PTPRF: variants seen among roughly 807,000 people sequenced by gnomAD.
The protein encoded by PTPRF is receptor-type tyrosine-protein phosphatase F.
PTPRF carries 59 observed loss-of-function variants against 201.8 expected under a neutral mutation model. The observed-to-expected ratio is 0.29, with a 90% CI of 0.24 to 0.36. PTPRF has a LOEUF of 0.36. Ranked by LOEUF, PTPRF falls within the 10% of genes least tolerant of loss-of-function variation. The pLI is 1.00. For missense variants in PTPRF, 2,132 were observed against 2,690.5 expected (o/e 0.79, Z 4.59); for synonymous variants, 1,088 against 1,089.7 (o/e 1.00, Z 0.03).
Position 43,603,713 on chromosome 1 carries a change from G to T in PTPRF, c.2561G>T (p.Arg854Leu). The T allele has an allele frequency of 6.2e-7, 1 of 1,613,732 alleles. No individual in the cohort carries two copies. Among genetic ancestry groups the T allele is most frequent in the South Asian group, 1.1e-5 (1 of 91,076 alleles). ...KELPGELLGYRLQYCRADEAR... is the reference protein window; with the variant it reads ...KELPGELLGYLLQYCRADEAR... The stretch of plus-strand genomic sequence containing the variant: ...CTGCCTGGCGAGCTGCTGGGCTACC[G>T]GCTGCAGTACTGCCGGGCCGACGAG... Residue 854 changes from arginine to leucine, a missense_variant, in exon 16 of 34, where the codon CGG becomes CTG. Arg to Leu is a moderately radical substitution (Grantham distance 102, BLOSUM62 -2). Around this residue, in one of 6 missense-constraint regions of PTPRF, gnomAD observed 818 missense variants for 915.3 expected, o/e 0.89. Transcript: ENST00000359947. The surrounding 1 kb of genome is among the most constrained non-coding windows in gnomAD (Gnocchi z 5.8).
chr1:43,609,540 A>G (rs778488410), intron 22 of PTPRF, 42 bp downstream of exon 22: 27 of 1,517,068 alleles, frequency 1.8e-5, no homozygotes, highest in Non-Finnish European at 2.2e-5. Flanking sequence ...GCCCAGACCT[A>G]GCAGGCCTGT....
intron 2 of PTPRF, among the ~76,000 whole-genome samples, chr1:43,541,930 G>A (rs551250202): frequency 2.0e-5 from 3 of 152,274 alleles, no homozygotes; most frequent in East Asian, 3.9e-4. Context: ...TTTTTATCTC[G>A]GTTGTTGAAA....
At position 43,620,582 on chromosome 1, in the gene PTPRF, G is replaced by A. The variant is rs758407621; in HGVS notation, c.5364+3G>A. 1.3e-5 allele frequency: 21 copies of A among 1,613,220 alleles called. No homozygotes were observed. Among genetic ancestry groups the A allele is most frequent in the Non-Finnish European group, 1.7e-5 (20 of 1,179,496 alleles). On this transcript the variant is annotated splice_donor_region_variant and intron_variant, in intron 31 of 33. Coordinates refer to ENST00000359947, the MANE Select transcript of PTPRF (RefSeq NM_002840.5). ...AGTTCAAGGTCACGGATGCCCGGGT[G>A]AGTGAGTGCATTGAGTGTGTCCATA... is the stretch of plus-strand genomic sequence containing the variant.
At chr1:43,529,514 A>C (rs1280836697), upstream of PTPRF, among the ~76,000 whole-genome samples, 1 of 152,044 alleles carries the variant, frequency 6.6e-6, no homozygotes, top group Non-Finnish European at 1.5e-5. Flanking sequence ...TATCAGAAAG[A>C]CCCCACAGAA....
intron 22 of PTPRF, among the ~76,000 whole-genome samples, chr1:43,609,743 G>T (rs1655996527): frequency 6.6e-6 from 1 of 152,248 alleles, no homozygotes; most frequent in Non-Finnish European, 1.5e-5. Context: ...AAGCCACTTA[G>T]CCACTGCCTT....
At chr1:43,547,110 C>A (rs144240122) in intron 3 of PTPRF, among the ~76,000 whole-genome samples, 2 of 152,184 alleles carry the variant, frequency 1.3e-5, no homozygotes, top group African/African-American at 2.4e-5. Context: ...CCCCAGGCCC[C>A]CAGGGTCGTA....
chr1:43,557,446 C>T (rs1404347903), intron 5 of PTPRF, among the ~76,000 whole-genome samples: 2 of 152,150 alleles, frequency 1.3e-5, no homozygotes, highest in Non-Finnish European at 2.9e-5. Context: ...CCAGCCTGGC[C>T]AACATGGCAA....
At chr1:43,611,723 G>A (rs189152843) in intron 22 of PTPRF, among the ~76,000 whole-genome samples, 1 of 152,366 alleles carries the variant, frequency 6.6e-6, no homozygotes, top group East Asian at 1.9e-4. Flanking sequence ...AAAGGTGGCA[G>A]TGGGAACAGA....
intron 23 of PTPRF, among the ~76,000 whole-genome samples, chr1:43,616,764 G>A (rs763988262): frequency 6.6e-5 from 10 of 152,112 alleles, no homozygotes; most frequent in Non-Finnish European, 1.0e-4. Flanking sequence ...AGAGGCTGCT[G>A]GGTACTCGGG....
At chr1:43,582,813 C>T (rs1165265056) in intron 7 of PTPRF, among the ~76,000 whole-genome samples, 2 of 152,224 alleles carry the variant, frequency 1.3e-5, no homozygotes, top group East Asian at 1.9e-4. Flanking sequence ...CCGGCCCCAC[C>T]CTCGGCCTCC....
Position 43,617,919 on chromosome 1 carries a change from T to C in PTPRF, c.4371+8T>C. Reference sequence around the variant, plus strand: ...CTGGAGGAGAAGTCCCGGGTGAGGCTGCAGGGCCCTGCCAGGAGGCGGGTG... The same window carrying C: ...CTGGAGGAGAAGTCCCGGGTGAGGCCGCAGGGCCCTGCCAGGAGGCGGGTG... On this transcript the variant is annotated splice_region_variant and intron_variant, in intron 25 of 33. Coordinates refer to ENST00000359947, the MANE Select transcript of PTPRF (RefSeq NM_002840.5). The C allele has an allele frequency of 6.3e-7, 1 of 1,599,284 alleles. No homozygotes were observed. Among genetic ancestry groups the C allele is most frequent in the South Asian group, 1.1e-5 (1 of 90,388 alleles).
chr1:43,619,626 A>T, intron 28 of PTPRF, 53 bp downstream of exon 28: 1 of 1,610,452 alleles, frequency 6.2e-7, no homozygotes, highest in Non-Finnish European at 8.5e-7. Flanking sequence ...GGTCATGCAG[A>T]TGACCCCCAC....
At chr1:43,605,075 C>T in intron 17 of PTPRF, 75 bp downstream of exon 17, 2 of 1,583,528 alleles carry the variant, frequency 1.3e-6, no homozygotes, top group Admixed American at 1.7e-5. Context: ...AGTCCTAACC[C>T]ATGTGCATCC....
At position 43,603,726 on chromosome 1, in the gene PTPRF, C is replaced by CCGGGCCGACGAGGCG; in HGVS notation, c.2578_2592dup (p.Ala860_Arg864dup). On this transcript the variant is annotated inframe_insertion, in exon 16 of 34. Transcript: ENST00000359947. This position sits in a 1 kb window ranked among gnomAD's most constrained non-coding sequence, Gnocchi z 5.8. ...TGCTGGGCTACCGGCTGCAGTACTG[C>CCGGGCCGACGAGGCG]CGGGCCGACGAGGCGCGGCCCAACA... 1.2e-6 allele frequency: 2 copies of CCGGGCCGACGAGGCG among 1,613,752 alleles called. No homozygotes were observed. The highest frequency in any genetic ancestry group is 1.6e-4 in the Middle Eastern group (1 of 6,062).
At chr1:43,616,494 G>A (rs938447039) in intron 23 of PTPRF, among the ~76,000 whole-genome samples, 48 of 151,864 alleles carry the variant, frequency 3.2e-4, no homozygotes, top group African/African-American at 1.0e-3. Context: ...CAATTGGGGT[G>A]GCCTGGCCCA....
rs571862 is a variant in PTPRF, at chr1:43,617,439, C to T, written c.4072-6C>T. 0.74 allele frequency: 1,198,486 copies of T among 1,613,802 alleles called. 449,384 individuals carry two copies. The highest frequency in any genetic ancestry group is 0.92 in the African/African-American group (69,246 of 74,994). The stretch of plus-strand genomic sequence containing the variant: ...CCACCCCACCCGCTTTCTCCATTCT[C>T]TGCAGTCCATCGACCCTGGACAGCA... On this transcript the variant is annotated splice_polypyrimidine_tract_variant and splice_region_variant and intron_variant, in intron 23 of 33. Transcript: ENST00000359947.
At chr1:43,599,405 C>G (rs1298654659) in intron 13 of PTPRF, among the ~76,000 whole-genome samples, 1 of 152,192 alleles carries the variant, frequency 6.6e-6, no homozygotes, top group East Asian at 1.9e-4. Context: ...TGCCTTTCCC[C>G]TAGACAGTGC....
chr1:43,608,165 A>C (rs914583356), intron 21 of PTPRF, among the ~76,000 whole-genome samples: 2 of 152,154 alleles, frequency 1.3e-5, no homozygotes, highest in African/African-American at 4.8e-5. Flanking sequence ...TTCCACCTGC[A>C]TTCTGGGTCT....
intron 5 of PTPRF, among the ~76,000 whole-genome samples, chr1:43,566,668 C>T (rs1157746603): frequency 2.6e-5 from 4 of 152,198 alleles, no homozygotes; most frequent in Admixed American, 6.5e-5. Context: ...TGTTCAGAGG[C>T]GCCTGGATGG....
Sources: allele counts gnomAD v4.1 joint callset (sites outside exome capture counted in the v4.1 genomes callset), GRCh38; gene constraint gnomAD v4.1.1; regional missense constraint gnomAD v4.1.1; non-coding constraint Gnocchi (gnomAD v3.1); transcripts MANE v1.5; gene names NCBI Gene and HGNC (gene_info 2026-07-23, HGNC 2026-07-21).